Variants in SIPA1L3 observed in about 807,000 individuals in gnomAD.
SIPA1L3 encodes signal induced proliferation associated 1 like 3, also known as signal-induced proliferation-associated 1-like protein 3.
SIPA1L3 carries 59 observed loss-of-function variants against 150.1 expected under a neutral mutation model. That is an observed-to-expected ratio of 0.39 (90% CI 0.32 to 0.49). The LOEUF is 0.49. SIPA1L3 is among the 20% of genes least tolerant of loss of function. The pLI is 0.86. For synonymous variants in SIPA1L3, 1,070 were observed against 1,077.6 expected, an observed-to-expected ratio of 0.99 and a Z score of 0.14; for missense variants, 2,211 against 2,489.5, an observed-to-expected ratio of 0.89 and a Z score of 2.38.
chr19:37,995,175 A>T (rs1221740229), intron 1 of SIPA1L3, among the ~76,000 whole-genome samples: 2 of 152,122 alleles, frequency 1.3e-5, no homozygotes, highest in African/African-American at 4.8e-5. Flanking sequence ...CATTGGCCAT[A>T]AAGGAGCCAG....
intron 2 of SIPA1L3, among the ~76,000 whole-genome samples, chr19:38,070,010 C>T (rs1478800349): frequency 6.6e-6 from 1 of 151,810 alleles, no homozygotes; most frequent in Non-Finnish European, 1.5e-5. Context: ...TCCTCTGTAC[C>T]TCTATTGTAT....
At chr19:37,916,032 A>AT (rs1321365716) in intron 1 of SIPA1L3, among the ~76,000 whole-genome samples, 1 of 151,590 alleles carries the variant, frequency 6.6e-6, no homozygotes, top group Non-Finnish European at 1.5e-5. Context: ...AAAAAAAAAA[A>AT]AGTTTTTGTT....
At chr19:38,085,136 A>G (rs1203421998) in intron 3 of SIPA1L3, among the ~76,000 whole-genome samples, 1 of 152,118 alleles carries the variant, frequency 6.6e-6, no homozygotes, top group African/African-American at 2.4e-5. Context: ...TGATTATATC[A>G]ATATCACATG....
At chr19:38,110,199 C>A in intron 7 of SIPA1L3, 28 bp from the exon 8 acceptor site, 1 of 1,610,930 alleles carries the variant, frequency 6.2e-7, no homozygotes, top group Non-Finnish European at 8.5e-7. Flanking sequence ...GTGACAGGTT[C>A]CTGTCCCCCT....
intron 16 of SIPA1L3, among the ~76,000 whole-genome samples, chr19:38,186,755 C>T (rs1170740633): frequency 6.6e-6 from 1 of 150,824 alleles, no homozygotes; most frequent in Non-Finnish European, 1.5e-5. Context: ...CTTTGGGAGG[C>T]TGAGGCAGGT....
intron 10 of SIPA1L3, among the ~76,000 whole-genome samples, chr19:38,139,919 C>G (rs1326381969): frequency 6.6e-6 from 1 of 152,132 alleles, no homozygotes; most frequent in Non-Finnish European, 1.5e-5. Context: ...TCCCGCAAGC[C>G]CTTTCTATAG....
chr19:38,002,623 G>T (rs1348138406), intron 1 of SIPA1L3, among the ~76,000 whole-genome samples: 1 of 148,004 alleles, frequency 6.8e-6, no homozygotes, highest in Non-Finnish European at 1.5e-5. Context: ...ATCCCAGGAG[G>T]CAGGAGAATC....
chr19:38,195,775 G>A (rs999284413), intron 18 of SIPA1L3, among the ~76,000 whole-genome samples: 1 of 122,848 alleles, frequency 8.1e-6, no homozygotes, highest in Non-Finnish European at 1.7e-5. Flanking sequence ...GCTGAGTCAG[G>A]CACCACCACA....
intron 2 of SIPA1L3, among the ~76,000 whole-genome samples, chr19:38,032,123 C>T (rs1456547158): frequency 6.6e-6 from 1 of 152,152 alleles, no homozygotes; most frequent in Non-Finnish European, 1.5e-5. Context: ...TTTTGTGTGC[C>T]TCTCATTCCA....
intron 1 of SIPA1L3, among the ~76,000 whole-genome samples, chr19:37,922,203 A>G (rs981231404): frequency 6.6e-6 from 1 of 152,102 alleles, no homozygotes; most frequent in African/African-American, 2.4e-5. Context: ...CTCCTGCCTC[A>G]GCCTCCCTAC....
At chr19:38,159,047 G>C (rs1240046886) in intron 13 of SIPA1L3, among the ~76,000 whole-genome samples, 2 of 152,194 alleles carry the variant, frequency 1.3e-5, no homozygotes, top group Non-Finnish European at 1.5e-5. Context: ...CCACCTCCCG[G>C]GGAGCCAGCA....
intron 12 of SIPA1L3, among the ~76,000 whole-genome samples, chr19:38,147,172 A>C (rs984293744): frequency 4.6e-5 from 7 of 151,876 alleles, no homozygotes; most frequent in Admixed American, 2.0e-4. Flanking sequence ...AGCGATTCTC[A>C]TGCCTCAACC....
intron 13 of SIPA1L3, among the ~76,000 whole-genome samples, chr19:38,157,071 G>A (rs1402369039): frequency 4.6e-5 from 7 of 152,152 alleles, no homozygotes; most frequent in Admixed American, 2.0e-4. Context: ...GGCTGAGGTG[G>A]AAGGATGGCT....
chr19:38,179,847 T>C (rs1028507773), intron 15 of SIPA1L3, among the ~76,000 whole-genome samples: 1 of 152,152 alleles, frequency 6.6e-6, no homozygotes, highest in Non-Finnish European at 1.5e-5. Context: ...GAGGACTTTT[T>C]TTTTCTTTTT....
chr19:37,957,373 C>G (rs2046820100), intron 1 of SIPA1L3, among the ~76,000 whole-genome samples: 1 of 152,106 alleles, frequency 6.6e-6, no homozygotes, highest in Non-Finnish European at 1.5e-5. Context: ...GTGAGAATTG[C>G]CATATTAATG....
chr19:37,957,061 C>T (rs181416303), intron 1 of SIPA1L3, among the ~76,000 whole-genome samples: 15 of 152,314 alleles, frequency 9.8e-5, no homozygotes, highest in Non-Finnish European at 1.6e-4. Context: ...CCATTTTCCT[C>T]CACTGAATTA....
intron 1 of SIPA1L3, chr19:37,932,520 G>C (rs987337761): frequency 6.6e-6 from 1 of 152,148 alleles, no homozygotes; most frequent in Non-Finnish European, 1.5e-5. Context: ...TCCCGTTTCC[G>C]CATTCCAGGC....
chr19:38,120,456 T>TA (rs1970990306), intron 9 of SIPA1L3, among the ~76,000 whole-genome samples: 2 of 151,816 alleles, frequency 1.3e-5, no homozygotes, highest in Non-Finnish European at 2.9e-5. Context: ...TGGGCAACAG[T>TA]ATGAGACCCT....
intron 16 of SIPA1L3, among the ~76,000 whole-genome samples, chr19:38,191,528 A>G (rs1161004188): frequency 6.6e-6 from 1 of 151,940 alleles, no homozygotes; most frequent in Admixed American, 6.6e-5. Flanking sequence ...AGGCAAAGAC[A>G]CAGGTCGGGC....
Sources: allele counts gnomAD v4.1 joint callset (sites outside exome capture counted in the v4.1 genomes callset), GRCh38; gene constraint gnomAD v4.1.1; transcripts MANE v1.5; gene names NCBI Gene and HGNC (gene_info 2026-07-23, HGNC 2026-07-21).